Variants in DHRSX observed in about 807,000 individuals in gnomAD.
The protein encoded by DHRSX is polyprenol dehydrogenase.
A neutral mutation model predicts 34.0 loss-of-function variants in DHRSX; 31 were observed. The observed-to-expected ratio is 0.91, with a 90% CI of 0.69 to 1.23. The LOEUF (loss-of-function observed/expected upper bound fraction) is 1.23, where lower values mean the gene tolerates loss of function less well. Among genes scored for constraint, DHRSX ranks in the 50% most tolerant of loss-of-function variants. The pLI is 0.00. For missense variants in DHRSX, 414 were observed against 428.1 expected (o/e 0.97, Z 0.29); for synonymous variants, 201 against 183.8 (o/e 1.09, Z -0.76).
chrX:2,299,396 C>G (rs1264190308), intron 3 of DHRSX, among the ~76,000 whole-genome samples: 2 of 152,146 alleles, frequency 1.3e-5, no homozygotes, highest in Non-Finnish European at 2.9e-5. Context: ...CGGCACCTAG[C>G]ATGGTGAATG....
At chrX:2,485,096 C>G (rs1177523897) in intron 1 of DHRSX, among the ~76,000 whole-genome samples, 2 of 152,150 alleles carry the variant, frequency 1.3e-5, no homozygotes, top group Non-Finnish European at 2.9e-5. Flanking sequence ...GGCTGTGCAG[C>G]CAGATGCAAG....
intron 5 of DHRSX, among the ~76,000 whole-genome samples, chrX:2,258,572 CAGG>C (rs2041311830): frequency 6.6e-6 from 1 of 151,764 alleles, no homozygotes; most frequent in African/African-American, 2.4e-5. Context: ...AGAGAGGCCT[CAGG>C]AGGAGTCAGC....
Position 2,398,526 on chromosome X carries a change from G to A in DHRSX, c.286+10219C>T, listed in dbSNP as rs138941639. On this transcript the variant is annotated intron_variant, in intron 3 of 6. Coordinates refer to ENST00000334651, the MANE Select transcript of DHRSX (RefSeq NM_145177.3). ...ACACCGTCATTTCTGGAAACGCACC[G>A]ACTATCTGGGAGGCCCATGTGTGGA... Among the ~76,000 whole-genome samples the A allele has an allele frequency of 6.8e-4, 103 of 152,170 alleles. 3 individuals are homozygous for A. The highest frequency in any genetic ancestry group is 1.2e-3 in the South Asian group (6 of 4,818).
At chrX:2,459,819 T>C (rs559330850) in intron 1 of DHRSX, among the ~76,000 whole-genome samples, 89 of 151,930 alleles carry the variant, frequency 5.9e-4, no homozygotes, top group African/African-American at 2.0e-3. Flanking sequence ...AAGGTGTATC[T>C]ACACTGGGCC....
intron 3 of DHRSX, among the ~76,000 whole-genome samples, chrX:2,408,214 T>C (rs1434331332): frequency 1.3e-5 from 2 of 152,052 alleles, no homozygotes; most frequent in Non-Finnish European, 2.9e-5. Context: ...TCATTGGGAT[T>C]ACAGGCACAT....
At position 2,470,812 on chromosome X, in the gene DHRSX, C is replaced by T. The variant is rs180828367; in HGVS notation, c.109+30005G>A. 2.9e-3 allele frequency among the ~76,000 whole-genome samples: 443 copies of T among 152,244 alleles called. 8 individuals carry two copies. Among genetic ancestry groups the T allele is most frequent in the African/African-American group, 9.3e-3 (386 of 41,520 alleles). ...GATGATAGTTAATAATACATCACGT[C>T]TTTCAAAATGACTAAAAGTAGATTT... On this transcript the variant is annotated intron_variant, in intron 1 of 6. Transcript: ENST00000334651.
At chrX:2,391,388 C>T (rs2043333806) in intron 3 of DHRSX, among the ~76,000 whole-genome samples, 2 of 152,136 alleles carry the variant, frequency 1.3e-5, no homozygotes, top group African/African-American at 2.4e-5. Flanking sequence ...ATGCCGGCAA[C>T]GTTGCACCAC....
rs1405479436 is a variant in DHRSX, at chrX:2,243,087, A to AGG, written c.739_740insCC (p.Val247AlafsTer77). The stretch of plus-strand genomic sequence containing the variant: ...GGTGGCCCAGAACACGTGCTTGTAG[A>AGG]CGTCCGTGTTGACCACCCCGGGGTC... On this transcript the variant is annotated frameshift_variant, in exon 6 of 7. Coordinates refer to ENST00000334651, the MANE Select transcript of DHRSX (RefSeq NM_145177.3). LOFTEE classifies it high-confidence loss of function. The AGG allele has an allele frequency of 6.2e-7, 1 of 1,613,684 alleles. No homozygotes were observed. Among genetic ancestry groups the AGG allele is most frequent in the Non-Finnish European group, 8.5e-7 (1 of 1,179,840 alleles).
chrX:2,391,313 G>A (rs1344741266), intron 3 of DHRSX, among the ~76,000 whole-genome samples: 6 of 152,134 alleles, frequency 3.9e-5, no homozygotes, highest in Non-Finnish European at 7.4e-5. Flanking sequence ...TCTCCAGGTC[G>A]TCCCTCCTTA....
At chrX:2,275,428 G>A (rs1459139769) in intron 4 of DHRSX, among the ~76,000 whole-genome samples, 1 of 151,390 alleles carries the variant, frequency 6.6e-6, no homozygotes, top group African/African-American at 2.4e-5. Flanking sequence ...AGAATTTCTG[G>A]AACTCAGGAG....
chrX:2,409,206 A>C (rs2043596021), intron 2 of DHRSX, among the ~76,000 whole-genome samples: 1 of 152,254 alleles, frequency 6.6e-6, no homozygotes. Flanking sequence ...CCCAGTGTGC[A>C]CACACAGACT....
chrX:2,422,795 A>AT lies in DHRSX; in HGVS notation c.217+2401dup, dbSNP rs1173530485. On this transcript the variant is annotated intron_variant, in intron 2 of 6. Transcript: ENST00000334651. The stretch of plus-strand genomic sequence containing the variant: ...CCAGTATCTCCAAAACATTTTGTTT[A>AT]TTTTTTTGAGACTGAGTCTCGCTCT... 3.3e-5 allele frequency among the ~76,000 whole-genome samples: 5 copies of AT among 149,484 alleles called. No individual in the cohort carries two copies. In the South Asian group the frequency reaches 1.1e-3, roughly 32 times the overall value.
At chrX:2,323,029 T>C (rs1316945350) in intron 3 of DHRSX, among the ~76,000 whole-genome samples, 3 of 149,696 alleles carry the variant, frequency 2.0e-5, no homozygotes, top group African/African-American at 7.4e-5. Flanking sequence ...GTTCAAGCGA[T>C]TCTCCTGCCT....
chrX:2,485,925 A>C (rs895688951), intron 1 of DHRSX, among the ~76,000 whole-genome samples: 3 of 145,512 alleles, frequency 2.1e-5, no homozygotes, highest in African/African-American at 8.0e-5. Flanking sequence ...GGAAGGAAAG[A>C]AGGAAGAAAG....
chrX:2,275,065 G>A (rs1467773615), intron 4 of DHRSX, among the ~76,000 whole-genome samples: 2 of 152,114 alleles, frequency 1.3e-5, no homozygotes, highest in South Asian at 2.1e-4. Flanking sequence ...TTAGACAATC[G>A]ACGGCAAATT....
intron 6 of DHRSX, among the ~76,000 whole-genome samples, chrX:2,229,561 C>T (rs1356641454): frequency 6.6e-6 from 1 of 152,046 alleles, no homozygotes; most frequent in Non-Finnish European, 1.5e-5. Context: ...ATAATGTGTG[C>T]ATGTGTGTGT....
chrX:2,444,388 G>A (rs1457688534), intron 1 of DHRSX, among the ~76,000 whole-genome samples: 5 of 152,132 alleles, frequency 3.3e-5, no homozygotes, highest in Admixed American at 3.3e-4. Context: ...CACTTACGAG[G>A]ACTCTTAGAG....
chrX:2,363,782 C>T (rs781456358), intron 3 of DHRSX, among the ~76,000 whole-genome samples: 261 of 152,254 alleles, frequency 1.7e-3, no homozygotes, highest in African/African-American at 5.5e-3. Flanking sequence ...CATTTTATCA[C>T]CGTTCTATGG....
At chrX:2,282,771 AGGG>A (rs1569483500) in intron 4 of DHRSX, among the ~76,000 whole-genome samples, 2 of 35,848 alleles carry the variant, frequency 5.6e-5, no homozygotes, top group Non-Finnish European at 1.3e-4. Flanking sequence ...GGAGAAAGCG[AGGG>A]AGGGAGGGGG....
Sources: gnomAD v4.1 joint callset for allele counts (sites outside exome capture counted in the v4.1 genomes callset) on GRCh38, gnomAD v4.1.1 for gene constraint, MANE v1.5 for transcripts, NCBI Gene and HGNC (gene_info 2026-07-23, HGNC 2026-07-21) for gene names.